ARFGEF1: variants seen among roughly 807,000 people sequenced by gnomAD.
ARFGEF1 encodes the protein ARF guanine nucleotide exchange factor 1.
ARFGEF1 carries 42 observed loss-of-function variants against 231.0 expected under a neutral mutation model. The ratio of observed to expected loss-of-function variants is 0.18; its 90% CI spans 0.14 to 0.24. The LOEUF (loss-of-function observed/expected upper bound fraction) is 0.24, where lower values mean the gene tolerates loss of function less well. ARFGEF1 is among the 10% of genes least tolerant of loss of function. The pLI is 1.00. For synonymous variants in ARFGEF1, 710 were observed against 732.3 expected (o/e 0.97, Z 0.49); for missense variants, 1,345 against 2,192.0 (o/e 0.61, Z 7.72).
At chr8:67,315,232 A>G (rs1437058782) in intron 1 of ARFGEF1, among the ~76,000 whole-genome samples, 1 of 152,216 alleles carries the variant, frequency 6.6e-6, no homozygotes, top group East Asian at 1.9e-4. Flanking sequence ...AAATGTGTAT[A>G]TAACAAAGAG....
chr8:67,230,680 G>T (rs1211079861), intron 23 of ARFGEF1, among the ~76,000 whole-genome samples: 1 of 151,984 alleles, frequency 6.6e-6, no homozygotes, highest in African/African-American at 2.4e-5. Context: ...GAAAAACTAT[G>T]ATGCTAAATA....
At position 67,267,399 on chromosome 8, in the gene ARFGEF1, G is replaced by C; in HGVS notation, c.1616C>G (p.Thr539Ser). ...EIFLYILETSTSSFDHKWMVI... is the reference protein window; with the variant it reads ...EIFLYILETSSSSFDHKWMVI... ...CATCCATTTGTGATCAAATGAGCTG[G>C]TAGAAGTTTCCAAAATGTATAAGAA... Residue 539 changes from threonine to serine, a missense_variant, in exon 11 of 39, where the codon ACC becomes AGC. Thr to Ser is a moderately conservative substitution (Grantham distance 58). Around this residue, in one of 14 missense-constraint regions of ARFGEF1, gnomAD observed 141 missense variants for 259.9 expected, o/e 0.54. Transcript: ENST00000262215. 1 of 1,611,934 alleles carries C rather than the reference G, an allele frequency of 6.2e-7. No individual in the cohort carries two copies. The highest frequency in any genetic ancestry group is 8.5e-7 in the Non-Finnish European group (1 of 1,179,178).
chr8:67,251,852 T>C (rs1410411356), intron 18 of ARFGEF1, among the ~76,000 whole-genome samples: 4 of 152,126 alleles, frequency 2.6e-5, no homozygotes, highest in African/African-American at 7.2e-5. Context: ...AAAAAATTCC[T>C]AGACTGGGAG....
chr8:67,199,755 T>G (rs1838255472), intron 38 of ARFGEF1: 1 of 156,862 alleles, frequency 6.4e-6, no homozygotes, highest in Non-Finnish European at 1.4e-5. Flanking sequence ...GCCACATCAC[T>G]AGGCATTTTT....
At chr8:67,293,472 C>G (rs1806096795) in intron 5 of ARFGEF1, among the ~76,000 whole-genome samples, 1 of 151,942 alleles carries the variant, frequency 6.6e-6, no homozygotes, top group Non-Finnish European at 1.5e-5. Context: ...GCAGCAAAAC[C>G]ACTGTTTGTG....
chr8:67,258,308 A>G lies in ARFGEF1; in HGVS notation c.2236-18T>C. 1 of 1,474,344 alleles carries G rather than the reference A, an allele frequency of 6.8e-7. No individual in the cohort carries two copies. Among genetic ancestry groups the G allele is most frequent in the Middle Eastern group, 1.8e-4 (1 of 5,602 alleles). 91.3% of individuals were successfully genotyped at this position (1,474,344 alleles called of 1,614,324 possible). A position where few individuals can be genotyped will look rare whatever the true frequency, so the allele number is the denominator to read the frequency against. ...ACTTGAGTCTAAAGTAAAAACAGAGATAGAAATTGATATTTTCTTTCTTTT... is the reference window on the plus strand; with the variant it reads ...ACTTGAGTCTAAAGTAAAAACAGAGGTAGAAATTGATATTTTCTTTCTTTT... On this transcript the variant is annotated intron_variant, in intron 15 of 38. Transcript: ENST00000262215.
chr8:67,335,687 A>C (rs1808312480), intron 1 of ARFGEF1, among the ~76,000 whole-genome samples: 1 of 152,212 alleles, frequency 6.6e-6, no homozygotes. Flanking sequence ...AAGAAAAATT[A>C]ATAGCCTCAC....
intron 1 of ARFGEF1, among the ~76,000 whole-genome samples, chr8:67,308,690 T>G (rs985153338): frequency 1.3e-5 from 2 of 152,220 alleles, no homozygotes; most frequent in Admixed American, 1.3e-4. Context: ...TATAAGGCAC[T>G]TATTTATAAA....
intron 14 of ARFGEF1, among the ~76,000 whole-genome samples, chr8:67,260,543 A>G (rs764910110): frequency 6.6e-6 from 1 of 152,180 alleles, no homozygotes; most frequent in African/African-American, 2.4e-5. Flanking sequence ...CCACGTCCAT[A>G]TAAGATGGTA....
At chr8:67,338,583 T>C (rs1012438656) in intron 1 of ARFGEF1, among the ~76,000 whole-genome samples, 1 of 152,350 alleles carries the variant, frequency 6.6e-6, no homozygotes, top group Non-Finnish European at 1.5e-5. Flanking sequence ...CCAAACTTAT[T>C]TTCTTCAAAG....
At chr8:67,177,632 A>T in intron 5 of ARFGEF1, 1 of 1,235,714 alleles carries the variant, frequency 8.1e-7, no homozygotes, top group Non-Finnish European at 1.2e-6. Flanking sequence ...TTTATATAGT[A>T]AGCATTTTCT....
At position 67,276,023 on chromosome 8, in the gene ARFGEF1, C is replaced by A. The variant is rs1010934782; in HGVS notation, c.1290G>T (p.Leu430Phe). 6.2e-7 allele frequency: 1 copy of A among 1,613,332 alleles called. No individual in the cohort carries two copies. The highest frequency in any genetic ancestry group is 8.5e-7 in the Non-Finnish European group (1 of 1,179,546). ...QKDAFLVFRS[L>F]CKLSMKPLSD... is the part of the protein sequence containing the mutation. ...ACAGTGGTTTCATTGACAGTTTACACAATGACCTGAATACTAGAAAGGCAT... is the reference window on the plus strand; with the variant it reads ...ACAGTGGTTTCATTGACAGTTTACAAAATGACCTGAATACTAGAAAGGCAT... Residue 430 changes from leucine (L) to phenylalanine (F), a missense_variant, in exon 9 of 39, where the codon TTG becomes TTT. Leu to Phe is a conservative substitution (Grantham distance 22). Transcript: ENST00000262215.
chr8:67,217,047 G>A (rs1449451526), intron 32 of ARFGEF1, among the ~76,000 whole-genome samples: 1 of 151,608 alleles, frequency 6.6e-6, no homozygotes, highest in Non-Finnish European at 1.5e-5. Flanking sequence ...GCTCACGCCT[G>A]TAATCCCAGC....
intron 17 of ARFGEF1, among the ~76,000 whole-genome samples, chr8:67,257,376 T>A (rs1248173144): frequency 6.6e-6 from 1 of 152,164 alleles, no homozygotes; most frequent in Non-Finnish European, 1.5e-5. Context: ...GTACCACGCC[T>A]GGCCTGAAAC....
intron 1 of ARFGEF1, among the ~76,000 whole-genome samples, chr8:67,305,514 A>G (rs1385034798): frequency 6.6e-6 from 1 of 151,950 alleles, no homozygotes; most frequent in Non-Finnish European, 1.5e-5. Context: ...CACCTAGTTA[A>G]TTTTGTATTT....
intron 7 of ARFGEF1, among the ~76,000 whole-genome samples, chr8:67,284,921 T>G (rs1317067825): frequency 1.3e-5 from 2 of 152,144 alleles, no homozygotes; most frequent in African/African-American, 4.8e-5. Context: ...CTGGAACATC[T>G]TTCTGTTCCA....
intron 34 of ARFGEF1, chr8:67,207,269 T>C (rs1838556147): frequency 6.6e-6 from 1 of 152,176 alleles, no homozygotes. Context: ...GACTTAGCAG[T>C]AGATGGAGGT....
Position 67,343,740 on chromosome 8 carries a change from C to A in ARFGEF1, c.-453G>T. 2.6e-6 allele frequency: 1 copy of A among 384,012 alleles called. No homozygotes were observed. The highest frequency in any genetic ancestry group is 9.5e-5 in the South Asian group (1 of 10,582). The allele number at this position is 384,012 out of a possible 1,614,324, so 23.8% of individuals were successfully genotyped here. A position where few individuals can be genotyped will look rare whatever the true frequency, so the allele number is the denominator to read the frequency against. On this transcript the variant is annotated 5_prime_UTR_variant, in exon 1 of 39. The change abolishes an upstream ATG in the 5' untranslated region. Coordinates refer to ENST00000262215, the MANE Select transcript of ARFGEF1 (RefSeq NM_006421.5). ...CCCGCCGCGGCCGCGAACTGGCCCCCATCACCGCCGACCTGCCCCGGCCGC... is the reference window on the plus strand; with the variant it reads ...CCCGCCGCGGCCGCGAACTGGCCCCAATCACCGCCGACCTGCCCCGGCCGC...
chr8:67,200,533 C>T lies in ARFGEF1; in HGVS notation c.5268-20G>A, dbSNP rs750134311. ...CAGACACTGCAAAAGAAAAGGTTTC[C>T]TTTAATGTTACTTGCGTATCTACTG... On this transcript the variant is annotated intron_variant, in intron 37 of 38. Coordinates refer to ENST00000262215, the MANE Select transcript of ARFGEF1 (RefSeq NM_006421.5). The T allele has an allele frequency of 3.4e-6, 5 of 1,468,480 alleles. No individual in the cohort carries two copies. Among genetic ancestry groups the T allele is most frequent in the African/African-American group, 2.8e-5 (2 of 71,302 alleles). 91.0% of individuals were successfully genotyped at this position (1,468,480 alleles called of 1,614,324 possible). A position where few individuals can be genotyped will look rare whatever the true frequency, so the allele number is the denominator to read the frequency against.
Sources: gnomAD v4.1 joint callset for allele counts (sites outside exome capture counted in the v4.1 genomes callset) on GRCh38, gnomAD v4.1.1 for gene constraint, gnomAD v4.1.1 regional missense constraint, MANE v1.5 for transcripts, NCBI Gene and HGNC (gene_info 2026-07-23, HGNC 2026-07-21) for gene names.